SMOC1: variants seen among roughly 807,000 people sequenced by gnomAD.
The protein encoded by SMOC1 is SPARC related modular calcium binding 1, also known as SPARC-related modular calcium-binding protein 1.
Under a neutral mutation model 56.3 loss-of-function variants are expected in SMOC1, and 22 were observed. That is an observed-to-expected ratio of 0.39 (90% CI 0.28 to 0.56). SMOC1 has a LOEUF of 0.56. Among genes scored for constraint, SMOC1 ranks in the 20% least tolerant of loss-of-function variants. The probability of loss-of-function intolerance (pLI) is 0.61; values close to 1 mark genes in which losing one functional copy is unlikely to be tolerated. For synonymous variants in SMOC1, 193 were observed against 215.0 expected (o/e 0.90, Z 0.89); for missense variants, 509 against 565.4 (o/e 0.90, Z 1.01).
At position 69,911,668 on chromosome 14, in the gene SMOC1, T is replaced by G. The variant is rs1248742266; in HGVS notation, c.99+31891T>G. Among the ~76,000 whole-genome samples, 4 of 152,258 alleles carry G rather than the reference T, an allele frequency of 2.6e-5. No individual in the cohort carries two copies. The East Asian group carries it at 7.7e-4, about 29-fold the overall frequency. ...TAATGCATTTGCCATTCATCCATGT[T>G]CTTGCATATATTGGTAGTTCCTTTT... On this transcript the variant is annotated intron_variant, in intron 1 of 11. Coordinates refer to ENST00000361956, the MANE Select transcript of SMOC1 (RefSeq NM_001034852.3).
intron 8 of SMOC1, 67 bp downstream of exon 8, chr14:70,011,013 C>T: frequency 1.3e-6 from 2 of 1,574,952 alleles, no homozygotes; most frequent in Non-Finnish European, 1.7e-6. Context: ...TGGCATCTCC[C>T]AGTGTTCCTG....
chr14:70,005,172 C>T (rs1885106642), intron 7 of SMOC1, among the ~76,000 whole-genome samples: 1 of 151,628 alleles, frequency 6.6e-6, no homozygotes, highest in South Asian at 2.1e-4. Context: ...TTGCTTTAAA[C>T]AAAAAAAGAA....
intron 1 of SMOC1, among the ~76,000 whole-genome samples, chr14:69,904,057 G>C (rs1884342456): frequency 6.6e-6 from 1 of 152,160 alleles, no homozygotes; most frequent in African/African-American, 2.4e-5. Context: ...TGCACTGGGG[G>C]GCCCAGGTGA....
chr14:70,025,398 C>T (rs1351729381), intron 11 of SMOC1, among the ~76,000 whole-genome samples: 1 of 152,200 alleles, frequency 6.6e-6, no homozygotes, highest in African/African-American at 2.4e-5. Flanking sequence ...CCGCCCGCCC[C>T]GCCATGGCTG....
chr14:69,987,736 A>G (rs1371700450), intron 5 of SMOC1, among the ~76,000 whole-genome samples: 4 of 152,234 alleles, frequency 2.6e-5, no homozygotes, highest in Admixed American at 6.5e-5. Flanking sequence ...AATGTCAATC[A>G]GGAATCAAAA....
intron 7 of SMOC1, among the ~76,000 whole-genome samples, chr14:70,005,278 G>A (rs1037698351): frequency 5.3e-5 from 8 of 152,194 alleles, no homozygotes; most frequent in African/African-American, 1.9e-4. Flanking sequence ...GAGGATTTAG[G>A]TTATCCATGC....
rs367603529 is a variant in SMOC1 at position 69,953,572 on chromosome 14, C to T, written c.378+40C>T. Reference sequence around the variant, plus strand: ...AATCCTCTTGGGCTCTTTCCTGGACCGAGGCAGAGGGGAGGTGTCCCGAGA... The same window carrying T: ...AATCCTCTTGGGCTCTTTCCTGGACTGAGGCAGAGGGGAGGTGTCCCGAGA... On this transcript the variant is annotated intron_variant, in intron 3 of 11. Transcript: ENST00000361956. The T allele has an allele frequency of 2.0e-5, 32 of 1,564,460 alleles. No individual in the cohort carries two copies. The African/African-American group carries it at 2.8e-4, about 14-fold the overall frequency.
At chr14:69,922,083 AG>A (rs1387190185) in intron 1 of SMOC1, among the ~76,000 whole-genome samples, 1 of 152,228 alleles carries the variant, frequency 6.6e-6, no homozygotes, top group Non-Finnish European at 1.5e-5. Flanking sequence ...AGCTCACTGA[AG>A]AGGCAGCTCA....
intron 7 of SMOC1, among the ~76,000 whole-genome samples, chr14:70,003,077 C>G (rs1052405286): frequency 5.9e-5 from 9 of 152,294 alleles, no homozygotes; most frequent in African/African-American, 1.7e-4. Flanking sequence ...GAGGCTGGAG[C>G]CATGTGGTTT....
At chr14:70,029,454 A>G (rs1398758223) in intron 11 of SMOC1, among the ~76,000 whole-genome samples, 3 of 152,188 alleles carry the variant, frequency 2.0e-5, no homozygotes, top group Non-Finnish European at 4.4e-5. Context: ...GCCAGGCCTT[A>G]TGGAAAAGGG....
At chr14:69,885,835 G>A in intron 1 of SMOC1, 2 of 1,602,728 alleles carry the variant, frequency 1.2e-6, no homozygotes, top group Middle Eastern at 2.1e-4. Context: ...TCTCTGGCCT[G>A]TACTTGTGGG....
chr14:69,956,072 C>T (rs1883173089), intron 3 of SMOC1, among the ~76,000 whole-genome samples: 1 of 152,154 alleles, frequency 6.6e-6, no homozygotes, highest in Non-Finnish European at 1.5e-5. Context: ...CCAGGCCAGA[C>T]CAGGTGGTGT....
intron 1 of SMOC1, among the ~76,000 whole-genome samples, chr14:69,923,499 A>T (rs187691461): frequency 5.1e-4 from 77 of 152,084 alleles, no homozygotes; most frequent in African/African-American, 1.8e-3. Context: ...TTTTCTTCTC[A>T]ATCTCCTCTA....
intron 5 of SMOC1, among the ~76,000 whole-genome samples, chr14:69,991,141 A>G (rs1002262813): frequency 6.6e-6 from 1 of 151,846 alleles, no homozygotes; most frequent in Non-Finnish European, 1.5e-5. Flanking sequence ...TGCAATCTGC[A>G]TAAATAGTTA....
chr14:69,887,163 A>T (rs1204114281), intron 1 of SMOC1, among the ~76,000 whole-genome samples: 1 of 152,242 alleles, frequency 6.6e-6, no homozygotes, highest in African/African-American at 2.4e-5. Context: ...AACAACAGTG[A>T]CATGCAAAAA....
chr14:69,932,995 C>A (rs1256296264), intron 1 of SMOC1, among the ~76,000 whole-genome samples: 1 of 152,120 alleles, frequency 6.6e-6, no homozygotes, highest in East Asian at 1.9e-4. Context: ...ACTGCATCCT[C>A]AGAGGCCAGA....
chr14:69,892,875 A>G (rs1342956480), intron 1 of SMOC1, among the ~76,000 whole-genome samples: 3 of 152,200 alleles, frequency 2.0e-5, no homozygotes, highest in Non-Finnish European at 2.9e-5. Context: ...TCAACATTCA[A>G]ATTTCCTTGA....
At chr14:69,978,239 T>C (rs1884042642) in intron 5 of SMOC1, among the ~76,000 whole-genome samples, 1 of 152,162 alleles carries the variant, frequency 6.6e-6, no homozygotes, top group Non-Finnish European at 1.5e-5. Context: ...CTAGGAATAT[T>C]GGTTCCCTGG....
At chr14:70,006,497 A>T (rs1282151734) in intron 7 of SMOC1, among the ~76,000 whole-genome samples, 1 of 152,222 alleles carries the variant, frequency 6.6e-6, no homozygotes, top group Non-Finnish European at 1.5e-5. Context: ...TTCAAGAATA[A>T]TTGATTGGTT....
Sources: allele counts gnomAD v4.1 joint callset (sites outside exome capture counted in the v4.1 genomes callset), GRCh38; gene constraint gnomAD v4.1.1; transcripts MANE v1.5; gene names NCBI Gene and HGNC (gene_info 2026-07-23, HGNC 2026-07-21).